Variants in JAK2 observed in about 807,000 individuals in gnomAD.
JAK2 encodes the protein tyrosine-protein kinase JAK2.
In JAK2, 86 loss-of-function variants were observed where a neutral mutation model predicts 139.3. The ratio of observed to expected loss-of-function variants is 0.62; its 90% CI spans 0.52 to 0.74. JAK2 has a LOEUF of 0.74. Among genes scored for constraint, JAK2 ranks in the 30% least tolerant of loss-of-function variants. JAK2 has a pLI of 0.00. For missense variants in JAK2, 1,421 were observed against 1,360.3 expected, an observed-to-expected ratio of 1.04 and a Z score of -0.70; for synonymous variants, 490 against 437.7, an observed-to-expected ratio of 1.12 and a Z score of -1.49.
intron 19 of JAK2, among the ~76,000 whole-genome samples, chr9:5,087,511 A>C (rs2130658512): frequency 7.7e-6 from 1 of 129,718 alleles, no homozygotes; most frequent in African/African-American, 3.5e-5. Context: ...CCTATCTCAA[A>C]CCCTTCTGGT....
chr9:5,105,236 A>G (rs1821855491), intron 22 of JAK2, among the ~76,000 whole-genome samples: 1 of 152,228 alleles, frequency 6.6e-6, no homozygotes, highest in African/African-American at 2.4e-5. Context: ...TCAATGTGCA[A>G]AAATCACAAG....
intron 3 of JAK2, among the ~76,000 whole-genome samples, chr9:5,028,897 C>A (rs1822957980): frequency 6.6e-6 from 1 of 152,194 alleles, no homozygotes; most frequent in East Asian, 1.9e-4. Flanking sequence ...TCTATCTAGA[C>A]CACTCAAACT....
rs968565874 is a variant in JAK2 at position 5,078,296 on chromosome 9, A to C, written c.1993-10A>C. 6.2e-7 allele frequency: 1 copy of C among 1,608,096 alleles called. No individual in the cohort carries two copies. The highest frequency in any genetic ancestry group is 8.5e-7 in the Non-Finnish European group (1 of 1,176,128). ...TGATATTTGAATATATGTGCGTTTA[A>C]CTCTAATAGGAAGAAAACACCCTTA... is the stretch of plus-strand genomic sequence containing the variant. On this transcript the variant is annotated splice_polypyrimidine_tract_variant and intron_variant, in intron 15 of 24. Transcript: ENST00000381652.
chr9:4,996,402 C>G (rs1015476258), intron 2 of JAK2, among the ~76,000 whole-genome samples: 2 of 151,812 alleles, frequency 1.3e-5, no homozygotes, highest in Non-Finnish European at 2.9e-5. Context: ...GAGCTGAGAT[C>G]GTGCCATTGC....
intron 22 of JAK2, chr9:5,112,617 A>G: frequency 1.1e-6 from 1 of 929,640 alleles, no homozygotes; most frequent in South Asian, 2.0e-5. Context: ...CGCATGTGGC[A>G]ACTGCACCTC....
chr9:5,115,030 C>T (rs987719286), intron 22 of JAK2, among the ~76,000 whole-genome samples: 1 of 152,136 alleles, frequency 6.6e-6, no homozygotes, highest in Non-Finnish European at 1.5e-5. Context: ...ATGACTAAAA[C>T]ACCAAAAGCA....
rs2130412159 is a variant in JAK2 at position 5,054,839 on chromosome 9, G to A, written c.891G>A (p.Gln297=). The A allele has an allele frequency of 1.9e-6, 3 of 1,611,210 alleles. No individual in the cohort carries two copies. The highest frequency in any genetic ancestry group is 1.1e-5 in the South Asian group (1 of 90,722). ...TIIITGNGGI[Q]WSRGKHKESE... is the part of the protein sequence containing the mutation. ...TAATAACTGGAAACGGTGGAATTCAGTGGTCAAGAGGGAAACATAAAGAAA... is the reference window on the plus strand; with the variant it reads ...TAATAACTGGAAACGGTGGAATTCAATGGTCAAGAGGGAAACATAAAGAAA... The change falls in exon 7 of 25, where the codon CAG becomes CAA. Residue 297 remains glutamine (Q), a synonymous_variant. Coordinates refer to ENST00000381652, the MANE Select transcript of JAK2 (RefSeq NM_004972.4). The surrounding 1 kb of genome is among the most constrained non-coding windows in gnomAD (Gnocchi z 4.9).
rs181687262 is a variant in JAK2 at position 5,021,691 on chromosome 9, C to T, written c.-25-272C>T. 2.0e-5 allele frequency among the ~76,000 whole-genome samples: 3 copies of T among 152,116 alleles called. No homozygotes were observed. The East Asian group carries it at 5.8e-4, about 29-fold the overall frequency. On this transcript the variant is annotated intron_variant, in intron 2 of 24. Transcript: ENST00000381652. ...ACCCAGACTGGAGTGCGGTGGAGTG[C>T]GGAGGTTTGCTGCAGCCTCATCCTC...
intron 10 of JAK2, among the ~76,000 whole-genome samples, chr9:5,068,608 T>A (rs1428392144): frequency 6.6e-6 from 1 of 152,222 alleles, no homozygotes; most frequent in Admixed American, 6.5e-5. Context: ...CTTGAAATGA[T>A]TTAAGTCATT....
intron 4 of JAK2, among the ~76,000 whole-genome samples, chr9:5,042,147 T>C (rs12341237): frequency 1.7e-5 from 2 of 118,434 alleles, no homozygotes; most frequent in East Asian, 2.4e-4. Flanking sequence ...TTTTTTTTTT[T>C]TGAGACGGAG....
chr9:5,073,801 G>T lies in JAK2; in HGVS notation c.1864+16G>T, dbSNP rs2130557549. On this transcript the variant is annotated intron_variant, in intron 14 of 24. Transcript: ENST00000381652. ...GGAGACGAGAGTAAGTAAAACTACA[G>T]GCTTTCTAATGCCTTTCTCAGAGCA... 1.3e-6 allele frequency: 2 copies of T among 1,514,104 alleles called. No individual in the cohort carries two copies. The highest frequency in any genetic ancestry group is 1.1e-5 in the South Asian group (1 of 87,180). The allele number at this position is 1,514,104 out of a possible 1,614,324, so 93.8% of individuals were successfully genotyped here.
At chr9:5,116,466 C>T (rs1195256109) in intron 22 of JAK2, among the ~76,000 whole-genome samples, 2 of 152,098 alleles carry the variant, frequency 1.3e-5, no homozygotes, top group Non-Finnish European at 2.9e-5. Context: ...AAGTAAGACT[C>T]ATCTAAAAAT....
chr9:5,102,650 C>T lies in JAK2; in HGVS notation c.3059+11739C>T, dbSNP rs945816100. ...GTTAAGGGCAGCCAGAGAGAAATGT[C>T]GGGTTGCCCACAAAGGGAAGCCCAT... On this transcript the variant is annotated intron_variant, in intron 22 of 24. Coordinates refer to ENST00000381652, the MANE Select transcript of JAK2 (RefSeq NM_004972.4). 1.2e-4 allele frequency among the ~76,000 whole-genome samples: 18 copies of T among 152,296 alleles called. 1 individual carries two copies. Among genetic ancestry groups the T allele is most frequent in the African/African-American group, 4.1e-4 (17 of 41,566 alleles).
chr9:5,086,470 C>CTTA (rs1820122799), intron 19 of JAK2, among the ~76,000 whole-genome samples: 1 of 152,146 alleles, frequency 6.6e-6, no homozygotes, highest in Non-Finnish European at 1.5e-5. Flanking sequence ...GAATATGATT[C>CTTA]TTATTTTCCT....
In JAK2 at chr9:5,017,751, A is replaced by G. The variant is rs528602062; in HGVS notation, c.-25-4212A>G. On this transcript the variant is annotated intron_variant, in intron 2 of 24. Coordinates refer to ENST00000381652, the MANE Select transcript of JAK2 (RefSeq NM_004972.4). ...TTTAAAGTTGCATATCCAGTTGCAG[A>G]TGAACTTCAAAAATCTTGCAGTTTT... 3.3e-4 allele frequency among the ~76,000 whole-genome samples: 51 copies of G among 152,326 alleles called. No individual in the cohort carries two copies. The South Asian group carries it at 9.5e-3, about 28-fold the overall frequency.
At chr9:5,041,425 C>T in intron 4 of JAK2, 1 of 626,754 alleles carries the variant, frequency 1.6e-6, no homozygotes, top group East Asian at 3.2e-5. Context: ...GCCACATGTT[C>T]ATGTACTTCC....
intron 22 of JAK2, among the ~76,000 whole-genome samples, chr9:5,119,410 C>A (rs1823447326): frequency 6.6e-6 from 1 of 151,264 alleles, no homozygotes; most frequent in Non-Finnish European, 1.5e-5. Flanking sequence ...ATTTTGTATT[C>A]TTTGTCATAA....
At chr9:5,098,275 G>A (rs1161857882) in intron 22 of JAK2, 1 of 152,120 alleles carries the variant, frequency 6.6e-6, no homozygotes, top group Non-Finnish European at 1.5e-5. Context: ...TTCTCGATAA[G>A]ATATTAGCAA....
rs144358424 is a variant in JAK2, at chr9:5,085,116, T to C, written c.2571+3255T>C. On this transcript the variant is annotated intron_variant, in intron 19 of 24. Coordinates refer to ENST00000381652, the MANE Select transcript of JAK2 (RefSeq NM_004972.4). The stretch of plus-strand genomic sequence containing the variant: ...AGTACTGCTGGGCAAGGTAGGTTGT[T>C]TGTTTTACACCATCACTCTGTAATA... The C allele has an allele frequency of 1.8e-3, 1,144 of 652,094 alleles. 1 individual carries two copies. The highest frequency in any genetic ancestry group is 3.0e-3 in the Non-Finnish European group (1,026 of 338,310). 40.4% of individuals were successfully genotyped at this position (652,094 alleles called of 1,614,324 possible).
Sources: allele counts gnomAD v4.1 joint callset (sites outside exome capture counted in the v4.1 genomes callset), GRCh38; gene constraint gnomAD v4.1.1; non-coding constraint Gnocchi (gnomAD v3.1); transcripts MANE v1.5; gene names NCBI Gene and HGNC (gene_info 2026-07-23, HGNC 2026-07-21).